The following COX4I1 variants were observed in gnomAD, a reference collection of about 807,000 sequenced individuals.
The protein encoded by COX4I1 is cytochrome c oxidase subunit 4I1, also known as cytochrome c oxidase subunit 4 isoform 1, mitochondrial.
In COX4I1, 18 loss-of-function variants were observed where a neutral mutation model predicts 21.7. That is an observed-to-expected ratio of 0.83 (90% CI 0.57 to 1.23). COX4I1 has a LOEUF of 1.23. Ranked by LOEUF, COX4I1 falls within the 50% of genes most tolerant of loss-of-function variation. The pLI, the probability that COX4I1 is intolerant of heterozygous loss-of-function variation, is 0.00. For synonymous variants in COX4I1, 100 were observed against 81.5 expected, an observed-to-expected ratio of 1.23 and a Z score of -1.23; for missense variants, 238 against 220.7, an observed-to-expected ratio of 1.08 and a Z score of -0.50.
chr16:85,806,698 G>A (rs1472568962), intron 4 of COX4I1, 40 bp from the exon 5 acceptor site: 2 of 1,613,854 alleles, frequency 1.2e-6, no homozygotes, highest in Non-Finnish European at 8.5e-7. Flanking sequence ...GAAACAACCT[G>A]TTGAGATAGT....
At chr16:85,806,082 T>C (rs993512239) in intron 4 of COX4I1, 1 of 647,730 alleles carries the variant, frequency 1.5e-6, no homozygotes, top group Admixed American at 2.9e-5. Context: ...ATAGCCATGC[T>C]TGTTGGGTGG....
chr16:85,804,740 T>C (rs923991848), intron 2 of COX4I1, 197 bp from the exon 3 acceptor site: 2 of 509,600 alleles, frequency 3.9e-6, no homozygotes, highest in Non-Finnish European at 6.8e-6. Context: ...GGTGGGTTTT[T>C]GTTGGCTGTG....
In COX4I1 at chr16:85,806,923, G is replaced by A. The variant is rs1597221010; in HGVS notation, c.*49G>A. On this transcript the variant is annotated 3_prime_UTR_variant, in exon 5 of 5. Transcript: ENST00000253452. ...CTGCGCCTGGCTCTGTCACCGCCAT[G>A]CAACTCCATGCCTATTTACTGGAAA... 6.4e-7 allele frequency: 1 copy of A among 1,574,074 alleles called. No individual in the cohort carries two copies.
chr16:85,800,082 C>T (rs1373339462), intron 1 of COX4I1, among the ~76,000 whole-genome samples: 1 of 152,116 alleles, frequency 6.6e-6, no homozygotes, highest in Non-Finnish European at 1.5e-5. Flanking sequence ...CAGCCTCCGC[C>T]CTTGCTCCTT....
In COX4I1 at chr16:85,801,236, G is replaced by C; in HGVS notation, c.31G>C (p.Gly11Arg). The C allele has an allele frequency of 6.2e-7, 1 of 1,609,990 alleles. No homozygotes were observed. MLATRVFSLV[G>R]KRAISTSVCV... is the part of the protein sequence containing the mutation. ...GGCTACCAGGGTATTTAGCCTAGTT[G>C]GCAAGCGAGCAATTTCCACCTCTGT... Residue 11 changes from glycine to arginine, a missense_variant, in exon 2 of 5, where the codon GGC (glycine) becomes CGC (arginine). By Grantham distance (125) the Gly-to-Arg change is moderately radical. Transcript: ENST00000253452.
chr16:85,806,262 A>G, intron 4 of COX4I1: 1 of 597,890 alleles, frequency 1.7e-6, no homozygotes, highest in South Asian at 2.1e-5. Context: ...AACAGCCAGC[A>G]TCTGGGGGTC....
intron 4 of COX4I1, 90 bp from the exon 5 acceptor site, chr16:85,806,648 G>A: frequency 6.2e-7 from 1 of 1,606,022 alleles, no homozygotes. Flanking sequence ...CTGGTGGCTG[G>A]TGTGTCGGGA....
chr16:85,804,807 C>T, intron 2 of COX4I1, 130 bp from the exon 3 acceptor site: 3 of 743,144 alleles, frequency 4.0e-6, no homozygotes, highest in Non-Finnish European at 6.5e-6. Flanking sequence ...TAAACAGTGG[C>T]TGTGACCCCC....
chr16:85,800,786 G>C (rs1383079540), intron 1 of COX4I1, among the ~76,000 whole-genome samples: 1 of 152,094 alleles, frequency 6.6e-6, no homozygotes, highest in African/African-American at 2.4e-5. Context: ...ACCATGCCCG[G>C]CTAATTTTTG....
intron 2 of COX4I1, among the ~76,000 whole-genome samples, chr16:85,802,215 G>A (rs7198313): frequency 6.6e-6 from 1 of 152,176 alleles, no homozygotes; most frequent in Non-Finnish European, 1.5e-5. Context: ...GTTGTGGGTG[G>A]TCGCTCCTGT....
chr16:85,804,962 T>G lies in COX4I1; in HGVS notation c.99T>G (p.Phe33Leu), dbSNP rs1326584155. Residue 33 changes from phenylalanine to leucine, a missense_variant, in exon 3 of 5, where the codon TTT (phenylalanine) becomes TTG (leucine). Coordinates refer to ENST00000253452, the MANE Select transcript of COX4I1 (RefSeq NM_001861.6). The part of the protein sequence containing the change: ...AHESVVKSED[F>L]SLPAYMDRRD... ...AAAGTGTTGTGAAGAGCGAAGACTTTTCGCTCCCAGCTTATATGGATCGGC... is the reference window on the plus strand; with the variant it reads ...AAAGTGTTGTGAAGAGCGAAGACTTGTCGCTCCCAGCTTATATGGATCGGC... 1 of 1,610,116 alleles carries G rather than the reference T, an allele frequency of 6.2e-7. No homozygotes were observed. The highest frequency in any genetic ancestry group is 1.7e-5 in the Admixed American group (1 of 58,530).
chr16:85,801,859 G>A (rs956231753), intron 2 of COX4I1, among the ~76,000 whole-genome samples: 8 of 152,188 alleles, frequency 5.3e-5, no homozygotes, highest in East Asian at 3.9e-4. Flanking sequence ...GTTAGGCACC[G>A]AGAAGAAAAA....
At chr16:85,806,530 T>G (rs1301763528) in intron 4 of COX4I1, 6 of 750,710 alleles carry the variant, frequency 8.0e-6, no homozygotes, top group Non-Finnish European at 1.4e-5. Flanking sequence ...TAGCTTATTT[T>G]GTTGCTAACT....
At chr16:85,802,271 C>T (rs1316558530) in intron 2 of COX4I1, among the ~76,000 whole-genome samples, 4 of 152,226 alleles carry the variant, frequency 2.6e-5, no homozygotes, top group Non-Finnish European at 5.9e-5. Flanking sequence ...AACGGCCTCT[C>T]CTGACCATCC....
rs1219983440 is a variant in COX4I1 at position 85,805,021 on chromosome 16, A to C, written c.158A>C (p.Lys53Thr). Residue 53 changes from lysine (K) to threonine (T), a missense_variant, in exon 3 of 5, where the codon AAG becomes ACG. By Grantham distance (78) the Lys-to-Thr change is moderately conservative (BLOSUM62 -1). Transcript: ENST00000253452. The part of the protein sequence containing the change: ...DHPLPEVAHV[K>T]HLSASQKALK... ...CCCTTGCCGGAGGTGGCCCATGTCA[A>C]GCACCTGTCTGCCAGCCAGAAGGCA... The C allele has an allele frequency of 5.6e-6, 9 of 1,614,098 alleles. No homozygotes were observed. Among genetic ancestry groups the C allele is most frequent in the Non-Finnish European group, 7.6e-6 (9 of 1,180,052 alleles).
chr16:85,801,422 C>G, intron 2 of COX4I1, 144 bp downstream of exon 2: 1 of 597,100 alleles, frequency 1.7e-6, no homozygotes, highest in Non-Finnish European at 3.0e-6. Context: ...TCTCACAGGG[C>G]TTGGTTCTAG....
At chr16:85,801,331 C>T (rs952110914) in intron 2 of COX4I1, 53 bp downstream of exon 2, 3 of 1,515,948 alleles carry the variant, frequency 2.0e-6, no homozygotes, top group Admixed American at 1.7e-5. Flanking sequence ...TCATTTTGCT[C>T]CTGCTGTGTA....
At position 85,805,719 on chromosome 16, in the gene COX4I1, C is replaced by T; in HGVS notation, c.242-14C>T. 6.2e-7 allele frequency: 1 copy of T among 1,613,490 alleles called. No homozygotes were observed. Among genetic ancestry groups the T allele is most frequent in the East Asian group, 2.2e-5 (1 of 44,856 alleles). ...ACCTTTGTGCCTGTAAATGGCTGTC[C>T]TCTCTGCCCCCAGTGTATCGCATTA... On this transcript the variant is annotated splice_polypyrimidine_tract_variant and intron_variant, in intron 3 of 4. Coordinates refer to ENST00000253452, the MANE Select transcript of COX4I1 (RefSeq NM_001861.6).
rs761492668 is a variant in COX4I1 at position 85,805,101 on chromosome 16, G to C, written c.238G>C (p.Glu80Gln). The C allele has an allele frequency of 6.2e-7, 1 of 1,611,640 alleles. No individual in the cohort carries two copies. The highest frequency in any genetic ancestry group is 1.1e-5 in the South Asian group (1 of 90,830). ...CAGCCTCTCCATGGATGAGAAAGTCGAGTGTGGGTATTGAAGGGACCCACA... is the reference window on the plus strand; with the variant it reads ...CAGCCTCTCCATGGATGAGAAAGTCCAGTGTGGGTATTGAAGGGACCCACA... ...WSSLSMDEKV[E>Q]LYRIKFKESF... The change falls in exon 3 of 5, where the codon GAG becomes CAG. Residue 80 changes from glutamate to glutamine, a missense_variant. By Grantham distance (29) the Glu-to-Gln change is conservative (BLOSUM62 2). Coordinates refer to ENST00000253452, the MANE Select transcript of COX4I1 (RefSeq NM_001861.6).
Sources: gnomAD v4.1 joint callset for allele counts (sites outside exome capture counted in the v4.1 genomes callset) on GRCh38, gnomAD v4.1.1 for gene constraint, MANE v1.5 for transcripts, NCBI Gene and HGNC (gene_info 2026-07-23, HGNC 2026-07-21) for gene names.